The following MED14 variants were observed in gnomAD, a reference collection of about 807,000 sequenced individuals.
The protein encoded by MED14 is mediator complex subunit 14.
Under a neutral mutation model 109.0 loss-of-function variants are expected in MED14, and 8 were observed. The observed-to-expected ratio is 0.07, with a 90% confidence interval of 0.04 to 0.13. The LOEUF is 0.13. MED14 is among the 10% of genes least tolerant of loss of function. The pLI is 1.00. For synonymous variants in MED14, 399 were observed against 408.7 expected (o/e 0.98, Z 0.29); for missense variants, 711 against 1,142.4 (o/e 0.62, Z 5.44).
intron 15 of MED14, among the ~76,000 whole-genome samples, chrX:40,689,397 G>A (rs1363932416): frequency 1.8e-5 from 2 of 111,837 alleles, no homozygotes; most frequent in Non-Finnish European, 3.8e-5. Flanking sequence ...CTATCAATCA[G>A]ATATATAAAC....
intron 12 of MED14, among the ~76,000 whole-genome samples, chrX:40,698,355 T>C (rs1215867851): frequency 8.9e-6 from 1 of 112,331 alleles, no homozygotes; most frequent in Non-Finnish European, 1.9e-5. Context: ...AGGTGGCCTT[T>C]TCAAAGTCAA....
intron 24 of MED14, among the ~76,000 whole-genome samples, chrX:40,665,129 T>C (rs964890351): frequency 6.2e-5 from 7 of 112,393 alleles, no homozygotes; most frequent in Admixed American, 1.9e-4. Flanking sequence ...ACCATGTATA[T>C]GTCAGAGAGT....
chrX:40,712,052 C>T (rs1360303574), intron 7 of MED14, 134 bp downstream of exon 7: 5 of 420,430 alleles, frequency 1.2e-5, no homozygotes, highest in African/African-American at 9.9e-5. Context: ...GCCCTATCTG[C>T]ACCTCAAAAA....
intron 23 of MED14, among the ~76,000 whole-genome samples, chrX:40,670,002 T>C (rs1183062690): frequency 8.9e-6 from 1 of 112,299 alleles, no homozygotes; most frequent in Non-Finnish European, 1.9e-5. Context: ...TCTAGGAATC[T>C]AAGCAGAGGA....
At chrX:40,677,867 C>T (rs1382880057) in intron 21 of MED14, among the ~76,000 whole-genome samples, 4 of 111,815 alleles carry the variant, frequency 3.6e-5, no homozygotes, top group African/African-American at 6.5e-5. Context: ...TAATGTTCAA[C>T]AGTGTGAACT....
intron 3 of MED14, among the ~76,000 whole-genome samples, chrX:40,718,911 G>GT (rs1300831372): frequency 9.0e-6 from 1 of 111,682 alleles, no homozygotes; most frequent in Non-Finnish European, 1.9e-5. Context: ...CATAGTCTTA[G>GT]TTCACAAAGA....
At position 40,712,280 on chromosome X, in the gene MED14, C is replaced by G. The variant is rs759299724; in HGVS notation, c.795G>C (p.Leu265Phe). 5.8e-6 allele frequency: 7 copies of G among 1,200,928 alleles called. No homozygotes were observed. In the Admixed American group the frequency reaches 1.6e-4, roughly 27 times the overall value. Residue 265 changes from leucine (L) to phenylalanine (F), a missense_variant, in exon 7 of 31, where the codon TTG becomes TTC. Physicochemically the swap from Leu to Phe is conservative, Grantham distance 22 (BLOSUM62 0). Coordinates refer to ENST00000324817, the MANE Select transcript of MED14 (RefSeq NM_004229.4). ...EDKETGDGRALVHSMQISFIH... is the reference protein window; with the variant it reads ...EDKETGDGRAFVHSMQISFIH... ...TGAAGCTGATTTGCATGCTATGAAC[C>G]AAAGCTCGCCCATCTTCCGTTGGCA...
Position 40,709,996 on chromosome X carries a change from C to T in MED14, c.1156G>A (p.Val386Ile), listed in dbSNP as rs1439599790. Residue 386 changes from valine (V) to isoleucine (I), a missense_variant, in exon 9 of 31, where the codon GTA becomes ATA. This residue lies in a region of MED14 where 388 missense variants were observed against 517.3 expected (regional missense o/e 0.75). Transcript: ENST00000324817. ...TCTTTTACCTTCATGGCTCTTTCTACTAATTTGGAATCAGAAGCTGGCAAA... is the reference window on the plus strand; with the variant it reads ...TCTTTTACCTTCATGGCTCTTTCTATTAATTTGGAATCAGAAGCTGGCAAA... ...PPLPASDSKL[V>I]ERAMKIDHLS... is the part of the protein sequence containing the mutation. The T allele has an allele frequency of 1.7e-6, 2 of 1,178,764 alleles. No individual in the cohort carries two copies. Among genetic ancestry groups the T allele is most frequent in the Non-Finnish European group, 2.3e-6 (2 of 877,552 alleles).
chrX:40,732,579 G>A (rs750778993), intron 1 of MED14, among the ~76,000 whole-genome samples: 9 of 108,081 alleles, frequency 8.3e-5, no homozygotes, highest in Non-Finnish European at 1.1e-4. Flanking sequence ...AGGAGTTCAA[G>A]ATCAGCCTGG....
chrX:40,720,934 CT>C (rs1931691722), intron 3 of MED14, among the ~76,000 whole-genome samples: 1 of 110,104 alleles, frequency 9.1e-6, no homozygotes, highest in African/African-American at 3.3e-5. Flanking sequence ...GGACCCAGCC[CT>C]GGCAGGATTC....
At chrX:40,681,395 T>C (rs1027835355) in intron 19 of MED14, among the ~76,000 whole-genome samples, 2 of 110,627 alleles carry the variant, frequency 1.8e-5, no homozygotes, top group African/African-American at 6.7e-5. Flanking sequence ...TTTCTAGGAC[T>C]TTACATATGA....
intron 16 of MED14, among the ~76,000 whole-genome samples, chrX:40,686,428 A>C (rs1462915209): frequency 9.0e-6 from 1 of 111,697 alleles, no homozygotes; most frequent in Admixed American, 9.5e-5. Flanking sequence ...GAAAAAAAAA[A>C]CCTATATTCA....
chrX:40,735,377 G>C lies in MED14; in HGVS notation c.36C>G (p.Val12=), dbSNP rs1932226505. ...APVQLENHQL[V]PPGGGGGGSG... Reference sequence around the variant, plus strand: ...TGCCCCCGCCGCCGCCTCCGGGCGGGACCAGCTGGTGGTTCTCCAGCTGCA... The same window carrying C: ...TGCCCCCGCCGCCGCCTCCGGGCGGCACCAGCTGGTGGTTCTCCAGCTGCA... The change falls in exon 1 of 31, where the codon GTC becomes GTG. Residue 12 remains valine, a synonymous_variant. Transcript: ENST00000324817. 2 of 1,070,356 alleles carry C rather than the reference G, an allele frequency of 1.9e-6. No homozygotes were observed. The highest frequency in any genetic ancestry group is 7.8e-5 in the East Asian group (2 of 25,671). 88.2% of individuals were successfully genotyped at this position (1,070,356 alleles called of 1,213,427 possible).
intron 1 of MED14, 91 bp from the exon 2 acceptor site, chrX:40,729,436 A>C: frequency 2.2e-6 from 2 of 895,190 alleles, no homozygotes. Flanking sequence ...TAAATACGTT[A>C]ATGTTTCAGA....
intron 22 of MED14, among the ~76,000 whole-genome samples, chrX:40,673,770 T>TG (rs1929811806): frequency 9.4e-6 from 1 of 106,058 alleles, no homozygotes; most frequent in East Asian, 2.9e-4. Flanking sequence ...CACTTGAACC[T>TG]GGGAGGCGGA....
intron 1 of MED14, among the ~76,000 whole-genome samples, chrX:40,730,149 C>A (rs146014080): frequency 8.9e-6 from 1 of 112,273 alleles, no homozygotes; most frequent in Non-Finnish European, 1.9e-5. Flanking sequence ...TTGTCTCCCA[C>A]CCACGTGCCA....
chrX:40,726,559 C>A (rs1442695040), intron 3 of MED14, 187 bp downstream of exon 3: 2 of 376,470 alleles, frequency 5.3e-6, no homozygotes, highest in Non-Finnish European at 9.3e-6. Context: ...ATCTCCTCTT[C>A]TTTCTGATCA....
chrX:40,649,668 C>T lies in MED14; in HGVS notation c.*2138G>A, dbSNP rs760899717. ...CACTTGGGCATCCAGTCCCCTTGATCGAACCTGGGTAACAAAAGAGGCAAA... is the reference window on the plus strand; with the variant it reads ...CACTTGGGCATCCAGTCCCCTTGATTGAACCTGGGTAACAAAAGAGGCAAA... On this transcript the variant is annotated 3_prime_UTR_variant, in exon 31 of 31. Transcript: ENST00000324817. 7.8e-5 allele frequency: 72 copies of T among 927,353 alleles called. No homozygotes were observed. The highest frequency in any genetic ancestry group is 1.9e-4 in the African/African-American group (9 of 46,382). The allele number at this position is 927,353 out of a possible 1,213,427, so 76.4% of individuals were successfully genotyped here.
intron 23 of MED14, among the ~76,000 whole-genome samples, chrX:40,667,375 G>A (rs1367488814): frequency 8.9e-6 from 1 of 111,946 alleles, no homozygotes; most frequent in Non-Finnish European, 1.9e-5. Flanking sequence ...GAGCTGAGAC[G>A]TGAAGAAAGT....
Sources: allele counts gnomAD v4.1 joint callset (sites outside exome capture counted in the v4.1 genomes callset), GRCh38; gene constraint gnomAD v4.1.1; regional missense constraint gnomAD v4.1.1; transcripts MANE v1.5; gene names NCBI Gene and HGNC (gene_info 2026-07-23, HGNC 2026-07-21).